The following FRAS1 variants were observed in gnomAD, a reference collection of about 807,000 sequenced individuals.
FRAS1 encodes the protein extracellular matrix organizing protein FRAS1.
In FRAS1, 290 loss-of-function variants were observed where a neutral mutation model predicts 435.2. That is an observed-to-expected ratio of 0.67 (90% CI 0.61 to 0.73). The LOEUF (loss-of-function observed/expected upper bound fraction) is 0.73. FRAS1 is among the 30% of genes least tolerant of loss of function. The pLI is 0.00. For synonymous variants in FRAS1, 1,800 were observed against 1,851.0 expected (o/e 0.97, Z 0.71); for missense variants, 4,860 against 5,001.5 (o/e 0.97, Z 0.85).
At chr4:78,242,211 AC>A (rs1178987831) in intron 3 of FRAS1, among the ~76,000 whole-genome samples, 1 of 152,166 alleles carries the variant, frequency 6.6e-6, no homozygotes, top group Non-Finnish European at 1.5e-5. Context: ...AAATAAAGAA[AC>A]TGATTTTTAG....
At chr4:78,248,310 G>A (rs560009458) in intron 4 of FRAS1, among the ~76,000 whole-genome samples, 5 of 152,340 alleles carry the variant, frequency 3.3e-5, no homozygotes, top group East Asian at 1.9e-4. Context: ...CCTCAAATGC[G>A]TTTTAGAGTT....
rs1039563835 is a variant in FRAS1, at chr4:78,106,094, C to T, written c.108+40078C>T. ...ATATCCCACACCTGGCTCAGAGGGT[C>T]CTATGCCCACGGAATCTCGCTGATT... On this transcript the variant is annotated intron_variant, in intron 2 of 73. Coordinates refer to ENST00000512123, the MANE Select transcript of FRAS1 (RefSeq NM_025074.7). Among the ~76,000 whole-genome samples, 30 of 124,190 alleles carry T rather than the reference C, an allele frequency of 2.4e-4. 3 individuals are homozygous for T. The highest frequency in any genetic ancestry group is 2.2e-3 in the Admixed American group (25 of 11,510). 81.5% of individuals were successfully genotyped at this position (124,190 alleles called of 152,430 possible).
At position 78,476,628 on chromosome 4, in the gene FRAS1, G is replaced by A. The variant is rs141419712; in HGVS notation, c.7851+1022G>A. On this transcript the variant is annotated intron_variant, in intron 54 of 73. Coordinates refer to ENST00000512123, the MANE Select transcript of FRAS1 (RefSeq NM_025074.7). ...ATTAGGAAAGAACAGATAAGCTAATGTCTTTCAGCTAAATGATAAGACGGA... is the reference window on the plus strand; with the variant it reads ...ATTAGGAAAGAACAGATAAGCTAATATCTTTCAGCTAAATGATAAGACGGA... Among the ~76,000 whole-genome samples, 756 of 152,308 alleles carry A rather than the reference G, an allele frequency of 5.0e-3. 4 individuals carry two copies. The highest frequency in any genetic ancestry group is 8.5e-3 in the Non-Finnish European group (578 of 68,034).
chr4:78,329,008 T>C (rs930390524), intron 18 of FRAS1, among the ~76,000 whole-genome samples: 1 of 152,166 alleles, frequency 6.6e-6, no homozygotes, highest in African/African-American at 2.4e-5. Context: ...AAATTGGCTA[T>C]TGCCATGTCT....
chr4:78,191,277 C>A (rs548853940), intron 2 of FRAS1, among the ~76,000 whole-genome samples: 1 of 152,320 alleles, frequency 6.6e-6, no homozygotes, highest in South Asian at 2.1e-4. Context: ...ATCTTCTCAC[C>A]TTTCACCTGT....
chr4:78,498,242 G>T (rs1720564961), intron 60 of FRAS1, among the ~76,000 whole-genome samples: 1 of 152,210 alleles, frequency 6.6e-6, no homozygotes, highest in African/African-American at 2.4e-5. Context: ...GGGTGCAGTG[G>T]CTCATGCCTG....
At chr4:78,262,113 C>G (rs1005136195) in intron 6 of FRAS1, among the ~76,000 whole-genome samples, 3 of 152,168 alleles carry the variant, frequency 2.0e-5, no homozygotes, top group Admixed American at 1.3e-4. Flanking sequence ...GTTACATTGA[C>G]TGAGATCATT....
chr4:78,315,327 C>T (rs1729194271), intron 15 of FRAS1, among the ~76,000 whole-genome samples: 1 of 152,176 alleles, frequency 6.6e-6, no homozygotes, highest in Non-Finnish European at 1.5e-5. Context: ...CTTTAAACCT[C>T]ATATTAAGTT....
At chr4:78,526,073 G>A (rs775606226) in intron 69 of FRAS1, among the ~76,000 whole-genome samples, 1 of 152,150 alleles carries the variant, frequency 6.6e-6, no homozygotes, top group African/African-American at 2.4e-5. Flanking sequence ...TGAGGCATTT[G>A]CTACCTCCTG....
At chr4:78,215,519 C>A (rs1723729243) in intron 2 of FRAS1, among the ~76,000 whole-genome samples, 1 of 152,136 alleles carries the variant, frequency 6.6e-6, no homozygotes, top group African/African-American at 2.4e-5. Flanking sequence ...TACAGGTCAG[C>A]AGTGTTAAGT....
chr4:78,479,600 T>C lies in FRAS1; in HGVS notation c.8325T>C (p.Asp2775=), dbSNP rs1186086656. The C allele has an allele frequency of 9.9e-6, 16 of 1,613,844 alleles. No individual in the cohort carries two copies. The highest frequency in any genetic ancestry group is 1.4e-5 in the Non-Finnish European group (16 of 1,179,826). The change falls in exon 56 of 74, where the codon GAT becomes GAC. Residue 2775 remains aspartate (D), a synonymous_variant. Transcript: ENST00000512123. ...EEEEFEIALA[D]ASDNARIGRV... ...AAGAGTTTGAGATTGCCTTGGCAGA[T>C]GCCTCTGACAATGCCCGCATTGGAA...
At chr4:78,416,074 G>C (rs1257398799) in intron 32 of FRAS1, among the ~76,000 whole-genome samples, 1 of 152,164 alleles carries the variant, frequency 6.6e-6, no homozygotes, top group East Asian at 1.9e-4. Flanking sequence ...TGATACAGAC[G>C]TACACACACA....
intron 15 of FRAS1, among the ~76,000 whole-genome samples, chr4:78,310,039 C>T (rs2110223472): frequency 6.6e-6 from 1 of 152,298 alleles, no homozygotes; most frequent in South Asian, 2.1e-4. Flanking sequence ...TTGCTTAAAA[C>T]TGTGCAGGGA....
At chr4:78,399,199 C>T (rs1377575181) in intron 29 of FRAS1, among the ~76,000 whole-genome samples, 1 of 152,200 alleles carries the variant, frequency 6.6e-6, no homozygotes, top group Non-Finnish European at 1.5e-5. Context: ...TGCTGCTGTT[C>T]TCATGGGCAC....
Position 78,362,669 on chromosome 4 carries a change from C to T in FRAS1, c.2423-844C>T, listed in dbSNP as rs150914660. On this transcript the variant is annotated intron_variant, in intron 20 of 73. Coordinates refer to ENST00000512123, the MANE Select transcript of FRAS1 (RefSeq NM_025074.7). ...GCTTGGTGGGTCCCAAGCTCTTGTC[C>T]GGTGTCTGAGAAGAATGGGGTTACA... Among the ~76,000 whole-genome samples the T allele has an allele frequency of 4.7e-3, 710 of 152,198 alleles. 1 individual carries two copies. The highest frequency in any genetic ancestry group is 7.7e-3 in the Non-Finnish European group (525 of 68,010).
intron 2 of FRAS1, among the ~76,000 whole-genome samples, chr4:78,190,720 G>T (rs1722497781): frequency 1.3e-5 from 2 of 151,292 alleles, no homozygotes; most frequent in South Asian, 2.1e-4. Flanking sequence ...TTATTTGAAT[G>T]GTTACACAAA....
At chr4:78,112,783 G>A (rs113885472) in intron 2 of FRAS1, among the ~76,000 whole-genome samples, 22 of 150,318 alleles carry the variant, frequency 1.5e-4, no homozygotes, top group African/African-American at 3.4e-4. Flanking sequence ...AGTTAAGGTC[G>A]GGCATTTTAT....
intron 47 of FRAS1, among the ~76,000 whole-genome samples, chr4:78,461,766 A>G (rs552986166): frequency 8.5e-5 from 13 of 152,388 alleles, no homozygotes; most frequent in African/African-American, 2.6e-4. Context: ...AAGAAGAATG[A>G]AAGCTTATGT....
At chr4:78,068,545 C>A (rs192223817) in intron 2 of FRAS1, 39 of 456,196 alleles carry the variant, frequency 8.5e-5, no homozygotes, top group African/African-American at 6.2e-4. Flanking sequence ...TTTAGCTTGT[C>A]CTTTCAGGAA....
Sources: gnomAD v4.1 joint callset for allele counts (sites outside exome capture counted in the v4.1 genomes callset) on GRCh38, gnomAD v4.1.1 for gene constraint, MANE v1.5 for transcripts, NCBI Gene and HGNC (gene_info 2026-07-23, HGNC 2026-07-21) for gene names.